The following NEDD4L variants were observed in gnomAD, a reference collection of about 807,000 sequenced individuals.
NEDD4L encodes NEDD4 like E3 ubiquitin protein ligase.
A neutral mutation model predicts 148.9 loss-of-function variants in NEDD4L; 54 were observed. The observed-to-expected ratio is 0.36, with a 90% CI of 0.29 to 0.45. The LOEUF is 0.45. Among genes scored for constraint, NEDD4L ranks in the 20% least tolerant of loss-of-function variants. NEDD4L has a pLI of 1.00. For synonymous variants in NEDD4L, 433 were observed against 440.7 expected, an observed-to-expected ratio of 0.98 and a Z score of 0.22; for missense variants, 856 against 1,233.8, an observed-to-expected ratio of 0.69 and a Z score of 4.59.
In NEDD4L at chr18:58,306,259, AG is replaced by A. The variant is rs558586714; in HGVS notation, c.298-9722del. Among the ~76,000 whole-genome samples the A allele has an allele frequency of 3.7e-4, 56 of 150,820 alleles. 1 individual carries two copies. The East Asian group carries it at 0.011, about 29-fold the overall frequency. Reference sequence around the variant, plus strand: ...GAGCTGTGCATGCTCCAGTTTGAAGAGCTCTGCTTTAAAAGATATCAGGGGT... The same window carrying A: ...GAGCTGTGCATGCTCCAGTTTGAAGACTCTGCTTTAAAAGATATCAGGGGT... On this transcript the variant is annotated intron_variant, in intron 5 of 30. Coordinates refer to ENST00000400345, the MANE Select transcript of NEDD4L (RefSeq NM_001144967.3).
chr18:58,256,490 A>G lies in NEDD4L; in HGVS notation c.297+4436A>G, dbSNP rs1439224572. The stretch of plus-strand genomic sequence containing the variant: ...TCCTCGCATTCGGCTGGAGAGGAGC[A>G]CCTCGTACCCCACGCAGCCCCGAAG... On this transcript the variant is annotated intron_variant, in intron 5 of 30. Transcript: ENST00000400345. The surrounding 1 kb of genome is among the most constrained non-coding windows in gnomAD (Gnocchi z 5.2). 12 of 1,232,062 alleles carry G rather than the reference A, an allele frequency of 9.7e-6. No individual in the cohort carries two copies. The highest frequency in any genetic ancestry group is 3.1e-5 in the African/African-American group (2 of 64,410). 76.3% of individuals were successfully genotyped at this position (1,232,062 alleles called of 1,614,324 possible).
chr18:58,084,709 G>GTGTGTGTGTT (rs1568193833), intron 1 of NEDD4L, among the ~76,000 whole-genome samples: 2 of 150,866 alleles, frequency 1.3e-5, no homozygotes, highest in Non-Finnish European at 2.9e-5. Context: ...GTGTGTGTGT[G>GTGTGTGTGTT]TTTGAGACAG....
intron 1 of NEDD4L, 131 bp from the exon 2 acceptor site, chr18:58,165,657 T>G: frequency 6.5e-7 from 1 of 1,531,460 alleles, no homozygotes; most frequent in East Asian, 2.4e-5. Context: ...GAAGAATTGC[T>G]TATGCTCGAA....
chr18:58,355,134 C>CT (rs1385384628), intron 18 of NEDD4L, among the ~76,000 whole-genome samples: 1 of 152,090 alleles, frequency 6.6e-6, no homozygotes, highest in Non-Finnish European at 1.5e-5. Flanking sequence ...TAGAGAGATC[C>CT]TTTTGGCAGA....
chr18:58,134,189 CG>C (rs2032533177), intron 1 of NEDD4L, among the ~76,000 whole-genome samples: 1 of 151,540 alleles, frequency 6.6e-6, no homozygotes, highest in African/African-American at 2.4e-5. Flanking sequence ...TTAGTAGAGA[CG>C]GGGTTTCACC....
chr18:58,235,307 G>A (rs902233358), intron 2 of NEDD4L, among the ~76,000 whole-genome samples: 5 of 152,146 alleles, frequency 3.3e-5, no homozygotes, highest in Admixed American at 2.6e-4. Flanking sequence ...CACTTGAAAA[G>A]TGTCTCCCTT....
At chr18:58,363,355 C>CTGCTGAAA (rs1209960725) in intron 19 of NEDD4L, among the ~76,000 whole-genome samples, 3 of 152,278 alleles carry the variant, frequency 2.0e-5, no homozygotes, top group African/African-American at 7.2e-5. Flanking sequence ...GAAGTATTCT[C>CTGCTGAAA]TGCTGAAATT....
intron 1 of NEDD4L, among the ~76,000 whole-genome samples, chr18:58,156,590 C>T (rs2035526931): frequency 6.6e-6 from 1 of 152,134 alleles, no homozygotes; most frequent in African/African-American, 2.4e-5. Flanking sequence ...GGTTCATTAT[C>T]CTACCCCCCA....
intron 3 of NEDD4L, among the ~76,000 whole-genome samples, chr18:58,245,790 C>T (rs2047189249): frequency 1.3e-5 from 2 of 149,200 alleles, no homozygotes; most frequent in South Asian, 2.1e-4. Context: ...AAGTGATTCT[C>T]CTGCCTCAGC....
At chr18:58,151,946 T>C (rs1002025279) in intron 1 of NEDD4L, among the ~76,000 whole-genome samples, 7 of 152,090 alleles carry the variant, frequency 4.6e-5, no homozygotes, top group Non-Finnish European at 8.8e-5. Context: ...ATTATTCATA[T>C]ATGTGTGATG....
At chr18:58,386,487 C>A (rs2049041635) in intron 26 of NEDD4L, among the ~76,000 whole-genome samples, 1 of 152,236 alleles carries the variant, frequency 6.6e-6, no homozygotes, top group African/African-American at 2.4e-5. Flanking sequence ...CACCTCATGA[C>A]AGCTTTTACC....
chr18:58,103,157 A>G (rs1399907856), intron 1 of NEDD4L, among the ~76,000 whole-genome samples: 1 of 151,262 alleles, frequency 6.6e-6, no homozygotes, highest in Non-Finnish European at 1.5e-5. Flanking sequence ...AATGCCACTA[A>G]CTTGTTGCAG....
intron 18 of NEDD4L, 66 bp downstream of exon 18, chr18:58,351,111 A>G: frequency 1.9e-6 from 3 of 1,547,866 alleles, no homozygotes; most frequent in Non-Finnish European, 2.6e-6. Context: ...TTCAAACATC[A>G]TAGTGAAAGC....
intron 11 of NEDD4L, among the ~76,000 whole-genome samples, chr18:58,333,074 C>T (rs893495919): frequency 1.3e-5 from 2 of 151,854 alleles, no homozygotes; most frequent in African/African-American, 4.8e-5. Context: ...GTCAGGAGGT[C>T]GAGACCAGCC....
chr18:58,378,004 C>T (rs543068380), intron 24 of NEDD4L, among the ~76,000 whole-genome samples: 137 of 152,284 alleles, frequency 9.0e-4, no homozygotes, highest in African/African-American at 3.2e-3. Context: ...CTCAGCCTCC[C>T]GAAGTGCTGG....
chr18:58,233,769 A>G (rs922262879), intron 2 of NEDD4L, among the ~76,000 whole-genome samples: 1 of 152,242 alleles, frequency 6.6e-6, no homozygotes, highest in African/African-American at 2.4e-5. Flanking sequence ...TTTATTTTCT[A>G]TCAGTGTTGG....
intron 1 of NEDD4L, among the ~76,000 whole-genome samples, chr18:58,100,174 C>T (rs1405777650): frequency 6.6e-6 from 1 of 152,062 alleles, no homozygotes; most frequent in East Asian, 1.9e-4. Context: ...GTACTATTTT[C>T]CCTGTCTGGA....
At chr18:58,353,039 A>G (rs2044120243) in intron 18 of NEDD4L, among the ~76,000 whole-genome samples, 1 of 152,208 alleles carries the variant, frequency 6.6e-6, no homozygotes, top group African/African-American at 2.4e-5. Context: ...AATCAGGTTC[A>G]TGGAGGATCA....
intron 10 of NEDD4L, 95 bp downstream of exon 10, chr18:58,329,222 A>G: frequency 7.5e-7 from 1 of 1,333,614 alleles, no homozygotes; most frequent in Non-Finnish European, 1.0e-6. Context: ...GTCAGTAAAC[A>G]TTGTTGAGAA....
Sources: gnomAD v4.1 joint callset for allele counts (sites outside exome capture counted in the v4.1 genomes callset) on GRCh38, gnomAD v4.1.1 for gene constraint, Gnocchi (gnomAD v3.1) non-coding constraint, MANE v1.5 for transcripts, NCBI Gene and HGNC (gene_info 2026-07-23, HGNC 2026-07-21) for gene names.